The following MICAL3 variants were observed in gnomAD, a reference collection of about 807,000 sequenced individuals.
MICAL3 encodes the protein microtubule associated monooxygenase, calponin and LIM domain containing 3.
Under a neutral mutation model 207.4 loss-of-function variants are expected in MICAL3, and 62 were observed. The ratio of observed to expected loss-of-function variants is 0.30; its 90% CI spans 0.24 to 0.37. The LOEUF is 0.37. Among genes scored for constraint, MICAL3 ranks in the 10% least tolerant of loss-of-function variants. The pLI is 1.00. For missense variants in MICAL3, 2,368 were observed against 2,635.6 expected (o/e 0.90, Z 2.22); for synonymous variants, 1,077 against 1,069.3 (o/e 1.01, Z -0.14).
At chr22:17,909,792 TATG>T (rs1931993233) in intron 1 of MICAL3, among the ~76,000 whole-genome samples, 1 of 152,200 alleles carries the variant, frequency 6.6e-6, no homozygotes, top group Non-Finnish European at 1.5e-5. Flanking sequence ...CAGATGTGCT[TATG>T]TGAAGGCAGG....
At chr22:17,889,797 A>C (rs1318489723) in intron 12 of MICAL3, among the ~76,000 whole-genome samples, 1 of 152,144 alleles carries the variant, frequency 6.6e-6, no homozygotes, top group Non-Finnish European at 1.5e-5. Flanking sequence ...ATAGGGCGGG[A>C]CCTGTCTCTA....
chr22:17,825,389 A>G (rs1922068556), intron 22 of MICAL3, among the ~76,000 whole-genome samples: 1 of 152,180 alleles, frequency 6.6e-6, no homozygotes, highest in Admixed American at 6.5e-5. Flanking sequence ...GCTGCCACGC[A>G]GGTTGATGAG....
At chr22:17,914,282 G>T (rs1247701116) in intron 1 of MICAL3, among the ~76,000 whole-genome samples, 1 of 152,180 alleles carries the variant, frequency 6.6e-6, no homozygotes, top group Non-Finnish European at 1.5e-5. Flanking sequence ...GGAGGGGGGT[G>T]CTAAAGGAGT....
intron 1 of MICAL3, among the ~76,000 whole-genome samples, chr22:17,993,251 C>CT (rs5844343): frequency 2.0e-4 from 30 of 150,044 alleles, no homozygotes; most frequent in South Asian, 1.3e-3. Flanking sequence ...TCCCAGATGG[C>CT]TTTTTTTTTT....
chr22:17,810,364 A>G (rs1422876918), intron 28 of MICAL3, among the ~76,000 whole-genome samples: 2 of 151,496 alleles, frequency 1.3e-5, no homozygotes, highest in Non-Finnish European at 2.9e-5. Flanking sequence ...CACCCAGCCA[A>G]TTTTTGTTTT....
At chr22:17,991,600 C>A (rs867332242) in intron 1 of MICAL3, among the ~76,000 whole-genome samples, 139 of 152,186 alleles carry the variant, frequency 9.1e-4, no homozygotes, top group African/African-American at 3.2e-3. Context: ...TTCATGTTAG[C>A]CAGTCAGCTA....
At chr22:18,022,119 G>T (rs1024125826) in intron 1 of MICAL3, among the ~76,000 whole-genome samples, 1 of 152,156 alleles carries the variant, frequency 6.6e-6, no homozygotes, top group African/African-American at 2.4e-5. Context: ...TGAACTCGCT[G>T]TGGAGTGTCT....
Position 17,810,689 on chromosome 22 carries a change from C to T in MICAL3, c.5556+14G>A. 1 of 1,607,680 alleles carries T rather than the reference C, an allele frequency of 6.2e-7. No individual in the cohort carries two copies. The highest frequency in any genetic ancestry group is 8.5e-7 in the Non-Finnish European group (1 of 1,174,190). ...CCCATGCATGTGCCCTGGTCCCATC[C>T]TCCATGGTTTTACCTGGGCTCGATG... On this transcript the variant is annotated intron_variant, in intron 28 of 31. Coordinates refer to ENST00000441493, the MANE Select transcript of MICAL3 (RefSeq NM_015241.3).
chr22:17,792,678 T>C (rs1038521777), intron 29 of MICAL3, among the ~76,000 whole-genome samples: 1 of 152,194 alleles, frequency 6.6e-6, no homozygotes, highest in African/African-American at 2.4e-5. Context: ...AAATGCACCA[T>C]GTTCAACAAG....
intron 12 of MICAL3, 93 bp downstream of exon 12, chr22:17,891,392 A>G: frequency 8.4e-7 from 1 of 1,184,328 alleles, no homozygotes; most frequent in Non-Finnish European, 1.2e-6. Context: ...TATGTACCTC[A>G]TTCTAGGAAA....
intron 16 of MICAL3, chr22:17,879,458 A>T (rs1929213856): frequency 2.0e-6 from 3 of 1,464,058 alleles, no homozygotes; most frequent in Admixed American, 4.0e-5. Context: ...ATTTGGACCT[A>T]CTAAACGACA....
chr22:18,015,019 A>G (rs888109393), intron 1 of MICAL3, among the ~76,000 whole-genome samples: 3 of 152,056 alleles, frequency 2.0e-5, no homozygotes, highest in African/African-American at 7.2e-5. Context: ...TGCTTGTACT[A>G]AGATTTCTGA....
At chr22:17,826,464 C>T (rs937584315) in intron 22 of MICAL3, 83 of 985,792 alleles carry the variant, frequency 8.4e-5, no homozygotes, top group Non-Finnish European at 9.5e-5. Flanking sequence ...CTCCGGAGAC[C>T]GTCTCCAGCC....
At chr22:17,817,257 C>T in intron 26 of MICAL3, 54 bp downstream of exon 26, 1 of 1,492,786 alleles carries the variant, frequency 6.7e-7, no homozygotes, top group Non-Finnish European at 8.9e-7. Flanking sequence ...GTGACCCCAG[C>T]CCCTCCCGCA....
intron 1 of MICAL3, among the ~76,000 whole-genome samples, chr22:18,023,146 G>A (rs1045754356): frequency 6.6e-6 from 1 of 151,742 alleles, no homozygotes; most frequent in African/African-American, 2.4e-5. Context: ...GATTAGAATG[G>A]TGGGTGGCCA....
At chr22:17,816,621 C>A (rs1357801929) in intron 27 of MICAL3, 69 bp downstream of exon 27, 1 of 1,282,492 alleles carries the variant, frequency 7.8e-7, no homozygotes, top group East Asian at 2.5e-5. Context: ...CTCTCCTCTA[C>A]CCCACCAAAG....
At chr22:17,954,750 C>CA (rs1556464308) in intron 1 of MICAL3, among the ~76,000 whole-genome samples, 1 of 144,494 alleles carries the variant, frequency 6.9e-6, no homozygotes, top group Non-Finnish European at 1.5e-5. Context: ...AAGTCTTTTC[C>CA]TTTTTTTTTT....
intron 19 of MICAL3, among the ~76,000 whole-genome samples, chr22:17,859,473 C>T (rs575569574): frequency 3.2e-4 from 48 of 152,348 alleles, no homozygotes; most frequent in Middle Eastern, 3.4e-3. Context: ...AACAGTGCCA[C>T]GGCTGCTAAT....
chr22:17,983,938 AG>A (rs1419958916), intron 1 of MICAL3, among the ~76,000 whole-genome samples: 2 of 152,216 alleles, frequency 1.3e-5, no homozygotes, highest in Non-Finnish European at 2.9e-5. Context: ...TTCAAAGAGA[AG>A]AAAAAAATAT....
Sources: allele counts gnomAD v4.1 joint callset (sites outside exome capture counted in the v4.1 genomes callset), GRCh38; gene constraint gnomAD v4.1.1; transcripts MANE v1.5; gene names NCBI Gene and HGNC (gene_info 2026-07-23, HGNC 2026-07-21).